COL22A1: variants seen among roughly 807,000 people sequenced by gnomAD.
The protein encoded by COL22A1 is collagen type XXII alpha 1 chain.
A neutral mutation model predicts 248.9 loss-of-function variants in COL22A1; 221 were observed. The ratio of observed to expected loss-of-function variants is 0.89; its 90% CI spans 0.80 to 0.99. The LOEUF (loss-of-function observed/expected upper bound fraction) is 0.99. Among genes scored for constraint, COL22A1 ranks in the 50% least tolerant of loss-of-function variants. The pLI, the probability that COL22A1 is intolerant of heterozygous loss-of-function variation, is 0.00. For missense variants in COL22A1, 2,240 were observed against 2,179.0 expected (o/e 1.03, Z -0.56); for synonymous variants, 891 against 793.4 (o/e 1.12, Z -2.07).
chr8:138,749,285 C>T (rs1346481645), intron 22 of COL22A1, among the ~76,000 whole-genome samples: 2 of 152,104 alleles, frequency 1.3e-5, no homozygotes, highest in African/African-American at 2.4e-5. Flanking sequence ...AGGTATGAGC[C>T]TGGTGAGTGA....
intron 42 of COL22A1, among the ~76,000 whole-genome samples, chr8:138,662,431 C>G (rs946047483): frequency 6.6e-6 from 1 of 152,132 alleles, no homozygotes. Context: ...CTATGGATAA[C>G]CAGCCCCGAG....
At chr8:138,809,528 C>CTTTTTCTTTTTTTTTTTTTT (rs1554633655) in intron 9 of COL22A1, among the ~76,000 whole-genome samples, 8 of 117,630 alleles carry the variant, frequency 6.8e-5, no homozygotes, top group African/African-American at 1.3e-4. Flanking sequence ...TTTTCTTTTT[C>CTTTTTCTTTTTTTTTTTTTT]TTTTTTTTTT....
At chr8:138,908,450 A>G (rs924827189) in intron 1 of COL22A1, among the ~76,000 whole-genome samples, 1 of 152,250 alleles carries the variant, frequency 6.6e-6, no homozygotes, top group Non-Finnish European at 1.5e-5. Context: ...GAAAAAATTG[A>G]TTGCCCAAAT....
At chr8:138,863,681 T>C (rs942230997) in intron 3 of COL22A1, among the ~76,000 whole-genome samples, 3 of 152,218 alleles carry the variant, frequency 2.0e-5, no homozygotes. Context: ...GGCTGTGCTC[T>C]GCCTCCTGCA....
chr8:138,774,916 A>G (rs370005754), intron 16 of COL22A1, among the ~76,000 whole-genome samples: 29 of 152,322 alleles, frequency 1.9e-4, no homozygotes, highest in African/African-American at 5.8e-4. Context: ...ATACAGGATG[A>G]TGTGGCTGTG....
At chr8:138,781,782 TC>T (rs1160276922) in intron 12 of COL22A1, among the ~76,000 whole-genome samples, 1 of 152,074 alleles carries the variant, frequency 6.6e-6, no homozygotes, top group Admixed American at 6.5e-5. Context: ...GCCTGAGATC[TC>T]CCCGCCCCAC....
intron 22 of COL22A1, among the ~76,000 whole-genome samples, chr8:138,750,922 G>A (rs1261393798): frequency 2.0e-5 from 3 of 152,164 alleles, no homozygotes; most frequent in African/African-American, 7.2e-5. Context: ...TCCTCAGAAA[G>A]TACGGCATTG....
At position 138,796,389 on chromosome 8, in the gene COL22A1, CTTTTTTTT is replaced by C. The variant is rs11284610; in HGVS notation, c.1596+422_1596+429del. 4.6e-4 allele frequency among the ~76,000 whole-genome samples: 12 copies of C among 26,314 alleles called. No homozygotes were observed. The South Asian group carries it at 5.5e-3, about 12-fold the overall frequency. The allele number at this position is 26,314 out of a possible 152,430, so 17.3% of individuals were successfully genotyped here. ...TTTTTTTCTCTTGCTTGCTACTTTC[CTTTTTTTT>C]TTTTTTTTTTTTTTTTTTTTTGGTT... On this transcript the variant is annotated intron_variant, in intron 12 of 64. Coordinates refer to ENST00000303045, the MANE Select transcript of COL22A1 (RefSeq NM_152888.3).
intron 25 of COL22A1, among the ~76,000 whole-genome samples, chr8:138,722,923 G>A (rs1202621085): frequency 6.7e-6 from 1 of 150,090 alleles, no homozygotes; most frequent in Non-Finnish European, 1.5e-5. Flanking sequence ...GGGAGGGAGA[G>A]CATCAGGAAG....
In COL22A1 at chr8:138,760,268, C is replaced by G. The variant is rs935740949; in HGVS notation, c.1877G>C (p.Gly626Ala). ...TGQQGRPGPS[G>A]VAGPQGEKGD... ...CTTTTCTCCCTGGGGTCCTGCCACACCAGAAGGGCCGGGCCTGCCCTGGAG... is the reference window on the plus strand; with the variant it reads ...CTTTTCTCCCTGGGGTCCTGCCACAGCAGAAGGGCCGGGCCTGCCCTGGAG... Residue 626 changes from glycine to alanine, a missense_variant, in exon 18 of 65, where the codon GGT becomes GCT. Gly to Ala is a moderately conservative substitution (Grantham distance 60). Transcript: ENST00000303045. 6.3e-7 allele frequency: 1 copy of G among 1,597,694 alleles called. No homozygotes were observed. The highest frequency in any genetic ancestry group is 1.1e-5 in the South Asian group (1 of 87,566).
chr8:138,883,289 G>T, intron 1 of COL22A1, 45 bp from the exon 2 acceptor site: 2 of 1,066,964 alleles, frequency 1.9e-6, no homozygotes, highest in Non-Finnish European at 2.7e-6. Context: ...CAAGCTGAAA[G>T]TCTGTGAGAG....
At chr8:138,630,495 A>C (rs959900145) in intron 50 of COL22A1, among the ~76,000 whole-genome samples, 200 bp downstream of exon 50, 2 of 152,188 alleles carry the variant, frequency 1.3e-5, no homozygotes, top group Non-Finnish European at 2.9e-5. Flanking sequence ...CCAAACCTTT[A>C]CTTTAGCAGC....
intron 31 of COL22A1, among the ~76,000 whole-genome samples, 156 bp downstream of exon 31, chr8:138,703,150 A>C (rs902897417): frequency 1.3e-5 from 2 of 152,192 alleles, no homozygotes; most frequent in African/African-American, 2.4e-5. Flanking sequence ...AGAAGTGTAT[A>C]TATTTTTGGT....
intron 3 of COL22A1, among the ~76,000 whole-genome samples, chr8:138,862,625 C>T (rs537234683): frequency 2.0e-5 from 3 of 152,268 alleles, no homozygotes; most frequent in African/African-American, 7.2e-5. Context: ...TAAGGGCTAT[C>T]TTTCCTCTTG....
chr8:138,596,958 A>G lies in COL22A1; in HGVS notation c.4378T>C (p.Ser1460Pro). Residue 1460 changes from serine to proline, a missense_variant, in exon 62 of 65, where the codon TCC becomes CCC. Coordinates refer to ENST00000303045, the MANE Select transcript of COL22A1 (RefSeq NM_152888.3). ...ATAAGCCGACGCAGGGTTTCCATGG[A>G]TGGAGACTCCCCCTAGGAGGGAGGG... ...GFPGLRGESP[S>P]METLRRLIQE... The G allele has an allele frequency of 1.2e-6, 2 of 1,613,934 alleles. No homozygotes were observed. The highest frequency in any genetic ancestry group is 8.5e-7 in the Non-Finnish European group (1 of 1,179,866).
At chr8:138,705,306 G>A (rs571788424) in intron 30 of COL22A1, among the ~76,000 whole-genome samples, 370 of 152,238 alleles carry the variant, frequency 2.4e-3, no homozygotes, top group Non-Finnish European at 3.7e-3. Context: ...TCCTCGAGAA[G>A]AGCAACTCCA....
At chr8:138,672,647 G>A (rs948756089) in intron 41 of COL22A1, among the ~76,000 whole-genome samples, 1 of 152,300 alleles carries the variant, frequency 6.6e-6, no homozygotes, top group Non-Finnish European at 1.5e-5. Context: ...AAAAAGGGAC[G>A]TCATTTCAGG....
At chr8:138,598,648 T>G in intron 61 of COL22A1, 71 bp downstream of exon 61, 1 of 1,447,470 alleles carries the variant, frequency 6.9e-7, no homozygotes, top group Non-Finnish European at 9.4e-7. Flanking sequence ...GCCTCTGAAG[T>G]CCACACACTT....
intron 3 of COL22A1, among the ~76,000 whole-genome samples, chr8:138,850,263 A>G (rs974188628): frequency 6.6e-6 from 1 of 152,238 alleles, no homozygotes; most frequent in African/African-American, 2.4e-5. Context: ...TTCAATCCAC[A>G]TCTCCCAGAT....
Sources: allele counts gnomAD v4.1 joint callset (sites outside exome capture counted in the v4.1 genomes callset), GRCh38; gene constraint gnomAD v4.1.1; transcripts MANE v1.5; gene names NCBI Gene and HGNC (gene_info 2026-07-23, HGNC 2026-07-21).